Variants in ANK2 observed in about 807,000 individuals in gnomAD.
ANK2 encodes ankyrin 2, also known as ankyrin-2.
A neutral mutation model predicts 360.5 loss-of-function variants in ANK2; 83 were observed. The observed-to-expected ratio is 0.23, with a 90% CI of 0.19 to 0.28. ANK2 has a LOEUF of 0.28. ANK2 is among the 10% of genes least tolerant of loss of function. The pLI, the probability that ANK2 is intolerant of heterozygous loss-of-function variation, is 1.00. For synonymous variants in ANK2, 1,740 were observed against 1,759.5 expected, an observed-to-expected ratio of 0.99 and a Z score of 0.28; for missense variants, 4,201 against 4,795.7, an observed-to-expected ratio of 0.88 and a Z score of 3.66.
At chr4:112,793,960 G>C in the ANK2 span, among the ~76,000 whole-genome samples, 87 of 152,206 alleles carry the variant, frequency 5.7e-4, no homozygotes, top group East Asian at 0.014. Flanking sequence ...GCCTCCCAAA[G>C]TGCTGGGATT....
At chr4:113,025,228 T>C (rs1395112) in intron 2 of ANK2, among the ~76,000 whole-genome samples, 94,434 of 152,048 alleles carry the variant, frequency 0.62, 29,796 homozygotes, top group South Asian at 0.75. Context: ...ATGTTGCTGC[T>C]CTTTTGTTTT....
At chr4:113,303,283 C>A (rs1171345709) in intron 23 of ANK2, among the ~76,000 whole-genome samples, 1 of 152,130 alleles carries the variant, frequency 6.6e-6, no homozygotes, top group South Asian at 2.1e-4. Context: ...CTGGTTGGTT[C>A]ATATGTACAG....
rs965084277 is a variant in ANK2, at chr4:112,834,926, G to A, written c.-40+16662G>A. Among the ~76,000 whole-genome samples, 7 of 152,278 alleles carry A rather than the reference G, an allele frequency of 4.6e-5. No individual in the cohort carries two copies. The East Asian group carries it at 1.3e-3, about 29-fold the overall frequency. ...TTGACTGGTCGTTTCCTCCAGGTGTGGTTCAACTTGTTCCTCTATCCCTTA... is the reference window on the plus strand; with the variant it reads ...TTGACTGGTCGTTTCCTCCAGGTGTAGTTCAACTTGTTCCTCTATCCCTTA... On this transcript the variant is annotated intron_variant, in intron 1 of 30. Transcript: ENST00000503271.
intron 2 of ANK2, among the ~76,000 whole-genome samples, chr4:113,181,160 G>A (rs1041185292): frequency 5.3e-5 from 8 of 152,156 alleles, no homozygotes; most frequent in African/African-American, 1.2e-4. Flanking sequence ...TGAAGATTTC[G>A]AAATGTGACT....
At position 113,330,321 on chromosome 4, in the gene ANK2, T is replaced by C; in HGVS notation, c.2976T>C (p.Ile992=). The C allele has an allele frequency of 6.2e-7, 1 of 1,614,228 alleles. No individual in the cohort carries two copies. The highest frequency in any genetic ancestry group is 8.5e-7 in the Non-Finnish European group (1 of 1,180,034). ...GCAGACACAATGGGCTCCGAATCAT[T>C]ATTCCACCTCGGAAATGTACTGCTC... The part of the protein sequence containing the change: ...RGCRHNGLRI[I]IPPRKCTAPT... The change falls in exon 27 of 46, where the codon ATT becomes ATC. Residue 992 remains isoleucine (I), a synonymous_variant. Transcript: ENST00000357077.
chr4:113,028,671 G>A (rs1489186093), intron 2 of ANK2, among the ~76,000 whole-genome samples: 1 of 152,026 alleles, frequency 6.6e-6, no homozygotes, highest in Non-Finnish European at 1.5e-5. Context: ...TGGTTTAGGG[G>A]CTTAATTTAT....
chr4:112,816,307 C>T (rs542023372), upstream of ANK2, among the ~76,000 whole-genome samples: 11 of 152,180 alleles, frequency 7.2e-5, no homozygotes, highest in African/African-American at 2.2e-4. Flanking sequence ...TAGCTTATTT[C>T]CAATAGAGAA....
At chr4:112,912,216 C>T (rs150180073) in intron 2 of ANK2, among the ~76,000 whole-genome samples, 178 of 151,132 alleles carry the variant, frequency 1.2e-3, no homozygotes, top group African/African-American at 3.4e-3. Context: ...ACTTTAGGGA[C>T]GGCAAGTGCA....
chr4:113,268,443 G>A (rs2057116817), intron 14 of ANK2, among the ~76,000 whole-genome samples: 1 of 152,166 alleles, frequency 6.6e-6, no homozygotes, highest in Non-Finnish European at 1.5e-5. Context: ...CTAGTTTATT[G>A]AGAGTTTTTA....
intron 1 of ANK2, among the ~76,000 whole-genome samples, chr4:113,167,596 G>T (rs2097791799): frequency 6.6e-6 from 1 of 151,932 alleles, no homozygotes; most frequent in Non-Finnish European, 1.5e-5. Flanking sequence ...CACTGCGCCC[G>T]GCCAGGTCAC....
intron 1 of ANK2, among the ~76,000 whole-genome samples, chr4:113,076,499 T>C (rs2080051360): frequency 6.6e-6 from 1 of 152,238 alleles, no homozygotes; most frequent in Non-Finnish European, 1.5e-5. Context: ...TTTCATATTC[T>C]AAGCATTGAC....
At chr4:113,031,674 A>G (rs1417709545) in intron 2 of ANK2, among the ~76,000 whole-genome samples, 2 of 150,800 alleles carry the variant, frequency 1.3e-5, no homozygotes, top group African/African-American at 4.9e-5. Context: ...TTTTGTTATC[A>G]GGATGGGACA....
At chr4:112,763,226 A>ATT in the ANK2 span, among the ~76,000 whole-genome samples, 1,309 of 144,792 alleles carry the variant, frequency 9.0e-3, 19 homozygotes, top group African/African-American at 0.024. Context: ...CACCTGGCTA[A>ATT]TTTTTTTTTT....
At chr4:112,796,603 G>A in the ANK2 span, among the ~76,000 whole-genome samples, 1 of 150,594 alleles carries the variant, frequency 6.6e-6, no homozygotes, top group South Asian at 2.1e-4. Context: ...TCTCACTTTG[G>A]CCTCCCAAAG....
At chr4:112,761,555 G>A in the ANK2 span, among the ~76,000 whole-genome samples, 1 of 152,162 alleles carries the variant, frequency 6.6e-6, no homozygotes, top group Non-Finnish European at 1.5e-5. Flanking sequence ...GGGAGGCGGA[G>A]GTTGCAGTGA....
chr4:113,233,130 T>G (rs2099336996), intron 5 of ANK2, among the ~76,000 whole-genome samples: 1 of 102,252 alleles, frequency 9.8e-6, no homozygotes, highest in African/African-American at 3.8e-5. Context: ...TTTTTTTTTT[T>G]TTTTTTTTTT....
intron 9 of ANK2, among the ~76,000 whole-genome samples, chr4:113,243,064 C>T (rs1416642064): frequency 5.3e-5 from 8 of 151,964 alleles, no homozygotes; most frequent in African/African-American, 1.7e-4. Context: ...ATATTACTGA[C>T]GTTATATAAT....
At chr4:113,136,116 C>T (rs2096393033) in intron 1 of ANK2, among the ~76,000 whole-genome samples, 1 of 152,054 alleles carries the variant, frequency 6.6e-6, no homozygotes. Flanking sequence ...CTCATTTAGT[C>T]AGTAATCAAT....
intron 2 of ANK2, among the ~76,000 whole-genome samples, chr4:112,940,835 T>C (rs1228052965): frequency 6.6e-6 from 1 of 152,126 alleles, no homozygotes; most frequent in Non-Finnish European, 1.5e-5. Context: ...CTATTTTCTC[T>C]TGATGAAAGC....
Sources: allele counts gnomAD v4.1 joint callset (sites outside exome capture counted in the v4.1 genomes callset), GRCh38; gene constraint gnomAD v4.1.1; transcripts MANE v1.5; gene names NCBI Gene and HGNC (gene_info 2026-07-23, HGNC 2026-07-21).